SGCD: variants seen among roughly 807,000 people sequenced by gnomAD.
SGCD encodes the protein delta-sarcoglycan.
In SGCD, 18 loss-of-function variants were observed where a neutral mutation model predicts 36.6. The ratio of observed to expected loss-of-function variants is 0.49; its 90% confidence interval spans 0.34 to 0.73. The LOEUF (loss-of-function observed/expected upper bound fraction) is 0.73. Among genes scored for constraint, SGCD ranks in the 30% least tolerant of loss-of-function variants. SGCD has a pLI of 0.01. For missense variants in SGCD, 387 were observed against 346.7 expected, an observed-to-expected ratio of 1.12 and a Z score of -0.92; for synonymous variants, 133 against 130.6, an observed-to-expected ratio of 1.02 and a Z score of -0.12.
chr5:156,646,226 G>C (rs1191898649), intron 6 of SGCD, among the ~76,000 whole-genome samples: 1 of 152,168 alleles, frequency 6.6e-6, no homozygotes, highest in African/African-American at 2.4e-5. Flanking sequence ...TGAGCATCTT[G>C]TTCTTCACTT....
chr5:155,793,359 T>C, the SGCD span, among the ~76,000 whole-genome samples: 1 of 152,192 alleles, frequency 6.6e-6, no homozygotes, highest in South Asian at 2.1e-4. Context: ...AATATGCCCA[T>C]GTAACAAACC....
intron 3 of SGCD, among the ~76,000 whole-genome samples, chr5:156,312,426 T>TGAAA (rs1381633069): frequency 6.6e-6 from 1 of 152,228 alleles, no homozygotes; most frequent in Non-Finnish European, 1.5e-5. Flanking sequence ...AAAACCCAAG[T>TGAAA]GAAACACTGT....
At chr5:156,071,575 T>C (rs1760563737) in intron 1 of SGCD, among the ~76,000 whole-genome samples, 1 of 152,128 alleles carries the variant, frequency 6.6e-6, no homozygotes, top group South Asian at 2.1e-4. Context: ...TTGGAATAGG[T>C]GTGGTGTGTT....
chr5:155,816,290 G>C, the SGCD span, among the ~76,000 whole-genome samples: 1 of 152,088 alleles, frequency 6.6e-6, no homozygotes, highest in Admixed American at 6.5e-5. Context: ...ATAGCCTACT[G>C]TTGCCTGGAA....
At chr5:155,928,577 A>C (rs554500403) in intron 1 of SGCD, among the ~76,000 whole-genome samples, 1 of 148,418 alleles carries the variant, frequency 6.7e-6, no homozygotes, top group East Asian at 2.1e-4. Flanking sequence ...TTGAGGCAGG[A>C]GAATGGCTTG....
At chr5:156,012,230 C>T (rs115579694) in intron 1 of SGCD, among the ~76,000 whole-genome samples, 19 of 152,224 alleles carry the variant, frequency 1.2e-4, no homozygotes, top group African/African-American at 4.6e-4. Flanking sequence ...CAGATAATTA[C>T]GAAAGAAATT....
chr5:156,456,961 A>C (rs1197207103), intron 3 of SGCD, among the ~76,000 whole-genome samples: 2 of 152,230 alleles, frequency 1.3e-5, no homozygotes, highest in Non-Finnish European at 2.9e-5. Flanking sequence ...TTAAACCAAA[A>C]GTAACTTGGT....
chr5:156,098,067 G>A (rs1031425327), intron 1 of SGCD, among the ~76,000 whole-genome samples: 1 of 152,124 alleles, frequency 6.6e-6, no homozygotes, highest in Non-Finnish European at 1.5e-5. Flanking sequence ...GGGAATTGTG[G>A]TATTCTCTTA....
At position 156,374,662 on chromosome 5, in the gene SGCD, C is replaced by CTT. The variant is rs34441102; in HGVS notation, c.192+30001_192+30002dup. Among the ~76,000 whole-genome samples, 660 of 134,484 alleles carry CTT rather than the reference C, an allele frequency of 4.9e-3. 17 individuals are homozygous for CTT. Among genetic ancestry groups the CTT allele is most frequent in the South Asian group, 0.01 (43 of 4,154 alleles). 88.2% of individuals were successfully genotyped at this position (134,484 alleles called of 152,430 possible). A position where few individuals can be genotyped will look rare whatever the true frequency, so the allele number is the denominator to read the frequency against. On this transcript the variant is annotated intron_variant, in intron 3 of 8. Coordinates refer to ENST00000337851, the MANE Select transcript of SGCD (RefSeq NM_000337.6). Reference sequence around the variant, plus strand: ...AATAAACAATACAAAGCAACCCTGTCTTTTTTTTTTTTTTTTTGAGACGGA... The same window carrying CTT: ...AATAAACAATACAAAGCAACCCTGTCTTTTTTTTTTTTTTTTTTTGAGACGGA...
chr5:156,110,119 C>A (rs531532131), intron 1 of SGCD, among the ~76,000 whole-genome samples: 60 of 152,294 alleles, frequency 3.9e-4, no homozygotes, highest in Non-Finnish European at 5.7e-4. Flanking sequence ...CAGCACAGTG[C>A]TGTGGTTACA....
At chr5:156,305,309 C>T (rs1767174495) in intron 3 of SGCD, among the ~76,000 whole-genome samples, 1 of 152,118 alleles carries the variant, frequency 6.6e-6, no homozygotes, top group Non-Finnish European at 1.5e-5. Flanking sequence ...GACTTGGTGT[C>T]CTGCATCCCA....
intron 1 of SGCD, among the ~76,000 whole-genome samples, chr5:155,888,902 G>C (rs1032863230): frequency 6.6e-6 from 1 of 152,100 alleles, no homozygotes; most frequent in Non-Finnish European, 1.5e-5. Flanking sequence ...CTATGGCTTT[G>C]CTCTGACAAT....
chr5:156,667,592 A>G (rs1753105113), intron 7 of SGCD, among the ~76,000 whole-genome samples: 1 of 152,228 alleles, frequency 6.6e-6, no homozygotes, highest in Admixed American at 6.5e-5. Flanking sequence ...CAAGGGCCTT[A>G]CAAAGTAGAA....
chr5:156,079,263 C>T (rs1336659390), intron 1 of SGCD, among the ~76,000 whole-genome samples: 2 of 152,096 alleles, frequency 1.3e-5, no homozygotes, highest in Admixed American at 6.6e-5. Context: ...CCGCATGACC[C>T]AAATCCCTCC....
chr5:156,446,217 T>C (rs1581006484), intron 3 of SGCD, among the ~76,000 whole-genome samples: 1 of 152,294 alleles, frequency 6.6e-6, no homozygotes, highest in Admixed American at 6.5e-5. Context: ...GAAGGCATTA[T>C]AGGTGCTGGG....
intron 3 of SGCD, among the ~76,000 whole-genome samples, chr5:156,213,406 G>C (rs766760293): frequency 4.6e-5 from 7 of 152,004 alleles, no homozygotes; most frequent in Non-Finnish European, 1.0e-4. Context: ...AACCTACCAT[G>C]ACCAAATCAT....
chr5:155,780,490 A>G, the SGCD span, among the ~76,000 whole-genome samples: 1 of 152,194 alleles, frequency 6.6e-6, no homozygotes, highest in Non-Finnish European at 1.5e-5. Context: ...CCCCTGCTGC[A>G]GTATAAATGT....
chr5:156,632,860 A>G (rs918227466), intron 6 of SGCD, among the ~76,000 whole-genome samples: 3 of 152,170 alleles, frequency 2.0e-5, no homozygotes, highest in Admixed American at 6.5e-5. Flanking sequence ...GGAGGCATAT[A>G]TGATCATGGA....
Position 156,138,861 on chromosome 5 carries a change from T to C in SGCD, c.-44+14842T>C, listed in dbSNP as rs79135892. Among the ~76,000 whole-genome samples the C allele has an allele frequency of 4.4e-3, 668 of 152,344 alleles. 4 individuals carry two copies. The highest frequency in any genetic ancestry group is 0.016 in the African/African-American group (648 of 41,574). ...TGTCAATACTTGGTATTGTTAGCCT[T>C]GTTAAATTTAACCATAGTGGATATA... On this transcript the variant is annotated intron_variant, in intron 3 of 9. Transcript: ENST00000517913.
Sources: gnomAD v4.1 joint callset for allele counts (sites outside exome capture counted in the v4.1 genomes callset) on GRCh38, gnomAD v4.1.1 for gene constraint, MANE v1.5 for transcripts, NCBI Gene and HGNC (gene_info 2026-07-23, HGNC 2026-07-21) for gene names.